Variants in DPP10 observed in about 807,000 individuals in gnomAD.
DPP10 encodes the protein inactive dipeptidyl peptidase 10.
A neutral mutation model predicts 120.9 loss-of-function variants in DPP10; 33 were observed. The ratio of observed to expected loss-of-function variants is 0.27; its 90% CI spans 0.21 to 0.37. DPP10 has a LOEUF of 0.37. Among genes scored for constraint, DPP10 ranks in the 10% least tolerant of loss-of-function variants. DPP10 has a pLI of 1.00. For synonymous variants in DPP10, 337 were observed against 326.1 expected (o/e 1.03, Z -0.36); for missense variants, 816 against 942.8 (o/e 0.87, Z 1.76).
intron 1 of DPP10, among the ~76,000 whole-genome samples, chr2:114,607,125 G>T (rs1164112817): frequency 6.6e-6 from 1 of 152,106 alleles, no homozygotes; most frequent in Non-Finnish European, 1.5e-5. Flanking sequence ...CAAAATACAA[G>T]GGCCCTAATA....
intron 1 of DPP10, among the ~76,000 whole-genome samples, chr2:115,217,422 CAA>C (rs2056897829): frequency 6.6e-6 from 1 of 152,154 alleles, no homozygotes; most frequent in Admixed American, 6.6e-5. Context: ...ACCGTTGACT[CAA>C]GAGTTTGGCA....
chr2:115,612,638 G>A (rs1056456891), intron 5 of DPP10, among the ~76,000 whole-genome samples: 3 of 152,078 alleles, frequency 2.0e-5, no homozygotes, highest in Non-Finnish European at 4.4e-5. Context: ...CTGGGTATTT[G>A]GAATCTCATT....
At chr2:114,999,040 C>T (rs1236947670) in intron 1 of DPP10, among the ~76,000 whole-genome samples, 1 of 152,042 alleles carries the variant, frequency 6.6e-6, no homozygotes, top group Non-Finnish European at 1.5e-5. Context: ...CCTGGAATAC[C>T]CAATGCTTGA....
intron 5 of DPP10, among the ~76,000 whole-genome samples, chr2:115,636,784 GA>G (rs1430152242): frequency 6.6e-6 from 1 of 152,148 alleles, no homozygotes; most frequent in Non-Finnish European, 1.5e-5. Flanking sequence ...AGCTGAAGGT[GA>G]AAACATACCA....
intron 10 of DPP10, chr2:115,750,155 C>T (rs1380045088): frequency 1.0e-6 from 1 of 985,284 alleles, no homozygotes; most frequent in East Asian, 1.1e-4. Flanking sequence ...AGGACAGCTA[C>T]ATCTGCAGCA....
At chr2:114,472,127 G>A (rs1183499048) in intron 1 of DPP10, among the ~76,000 whole-genome samples, 1 of 152,190 alleles carries the variant, frequency 6.6e-6, no homozygotes, top group Non-Finnish European at 1.5e-5. Flanking sequence ...GGAGAGATTG[G>A]TCCATGTGAT....
intron 3 of DPP10, among the ~76,000 whole-genome samples, chr2:115,497,971 C>A (rs905032827): frequency 1.3e-5 from 2 of 152,014 alleles, no homozygotes; most frequent in South Asian, 2.1e-4. Flanking sequence ...AACCCAATTC[C>A]TTTTTAGCTG....
chr2:114,644,978 A>G (rs1696007453), intron 1 of DPP10, among the ~76,000 whole-genome samples: 1 of 151,946 alleles, frequency 6.6e-6, no homozygotes. Context: ...CATCACAAAG[A>G]AAAATTAAGG....
chr2:115,565,947 A>C (rs2080985336), intron 5 of DPP10, among the ~76,000 whole-genome samples: 1 of 151,786 alleles, frequency 6.6e-6, no homozygotes. Context: ...CACCAAGCTC[A>C]GCTAATTTTT....
At chr2:115,361,615 G>GT (rs1381836492) in intron 3 of DPP10, among the ~76,000 whole-genome samples, 4 of 152,142 alleles carry the variant, frequency 2.6e-5, no homozygotes, top group African/African-American at 4.8e-5. Context: ...CGATTCAAAT[G>GT]TTTTTTGGGG....
intron 2 of DPP10, among the ~76,000 whole-genome samples, chr2:115,310,853 G>C (rs993707287): frequency 1.2e-4 from 19 of 152,184 alleles, no homozygotes; most frequent in Admixed American, 6.5e-4. Flanking sequence ...AGGTATTCAT[G>C]TCATAATCCC....
chr2:115,704,535 G>A (rs2149545022), intron 7 of DPP10, among the ~76,000 whole-genome samples: 1 of 151,904 alleles, frequency 6.6e-6, no homozygotes, highest in East Asian at 1.9e-4. Context: ...GTAGCTCAAG[G>A]CAAAATGTAA....
chr2:115,380,452 A>G (rs1053282795), intron 3 of DPP10, among the ~76,000 whole-genome samples: 3 of 152,088 alleles, frequency 2.0e-5, no homozygotes, highest in South Asian at 2.1e-4. Context: ...GTGTCTCTGC[A>G]TGTGAGATGG....
chr2:114,619,855 A>T (rs879481188), intron 1 of DPP10, among the ~76,000 whole-genome samples: 2 of 151,908 alleles, frequency 1.3e-5, no homozygotes, highest in African/African-American at 2.4e-5. Flanking sequence ...TTATCACCCC[A>T]TCCCTACTGG....
intron 3 of DPP10, among the ~76,000 whole-genome samples, chr2:115,416,922 A>T (rs2069488929): frequency 6.6e-6 from 1 of 152,166 alleles, no homozygotes; most frequent in Non-Finnish European, 1.5e-5. Context: ...AAGTCAAGGG[A>T]CAGTGCCAGA....
chr2:115,773,670 C>T (rs1681743903), intron 13 of DPP10, among the ~76,000 whole-genome samples: 1 of 152,058 alleles, frequency 6.6e-6, no homozygotes, highest in African/African-American at 2.4e-5. Context: ...AAATGCTGTT[C>T]TTTCCTGCTT....
At chr2:115,702,513 T>C (rs2149537246) in intron 7 of DPP10, among the ~76,000 whole-genome samples, 1 of 152,228 alleles carries the variant, frequency 6.6e-6, no homozygotes, top group Middle Eastern at 3.4e-3. Flanking sequence ...ACAATGAAAT[T>C]ATTCAGCCAC....
In DPP10 at chr2:114,750,266, A is replaced by T. The variant is rs144377111; in HGVS notation, c.60+307428A>T. Among the ~76,000 whole-genome samples the T allele has an allele frequency of 1.1e-4, 16 of 152,132 alleles. No homozygotes were observed. The East Asian group carries it at 3.1e-3, about 29-fold the overall frequency. ...TTTTGGAAGTTGTTAAAAAAAAAAT[A>T]AGATAAAAAACTGGTCTCACCCCAG... On this transcript the variant is annotated intron_variant, in intron 1 of 25. Transcript: ENST00000410059.
chr2:115,673,314 C>T (rs2090048538), intron 5 of DPP10, among the ~76,000 whole-genome samples: 1 of 152,066 alleles, frequency 6.6e-6, no homozygotes, highest in South Asian at 2.1e-4. Flanking sequence ...CTAATAGTTA[C>T]CACATATCAG....
Sources: allele counts gnomAD v4.1 joint callset (sites outside exome capture counted in the v4.1 genomes callset), GRCh38; gene constraint gnomAD v4.1.1; transcripts MANE v1.5; gene names NCBI Gene and HGNC (gene_info 2026-07-23, HGNC 2026-07-21).